The following TMEM135 variants were observed in gnomAD, a reference collection of about 807,000 sequenced individuals.
TMEM135 encodes the protein peroxisomal membrane protein 52.
Under a neutral mutation model 60.3 loss-of-function variants are expected in TMEM135, and 30 were observed. The observed-to-expected ratio is 0.50, with a 90% CI of 0.37 to 0.68. TMEM135 has a LOEUF of 0.68. Among genes scored for constraint, TMEM135 ranks in the 30% least tolerant of loss-of-function variants. TMEM135 has a pLI of 0.00. For synonymous variants in TMEM135, 190 were observed against 186.7 expected, an observed-to-expected ratio of 1.02 and a Z score of -0.14; for missense variants, 468 against 548.8, an observed-to-expected ratio of 0.85 and a Z score of 1.47.
At chr11:87,121,262 T>C (rs1050100854) in intron 4 of TMEM135, 3 of 152,224 alleles carry the variant, frequency 2.0e-5, no homozygotes, top group Non-Finnish European at 4.4e-5. Flanking sequence ...ATTTATTCTT[T>C]ATTCAACTAA....
chr11:87,045,483 T>C (rs942356528), intron 1 of TMEM135, among the ~76,000 whole-genome samples: 2 of 151,414 alleles, frequency 1.3e-5, no homozygotes, highest in Admixed American at 1.3e-4. Flanking sequence ...AGCAGCTAAC[T>C]CTGAGTAGAG....
intron 5 of TMEM135, among the ~76,000 whole-genome samples, chr11:87,195,635 C>T (rs1939937447): frequency 6.6e-6 from 1 of 152,102 alleles, no homozygotes; most frequent in Non-Finnish European, 1.5e-5. Context: ...TTCTCGAACT[C>T]CCAACCTCAG....
chr11:87,293,201 G>A (rs541337896), intron 6 of TMEM135, among the ~76,000 whole-genome samples: 4 of 152,152 alleles, frequency 2.6e-5, no homozygotes, highest in South Asian at 2.1e-4. Flanking sequence ...ACATTTTGAT[G>A]CTATAATTTT....
In TMEM135 at chr11:87,309,543, G is replaced by A. The variant is rs1942607076; in HGVS notation, c.807G>A (p.Gln269=). The A allele has an allele frequency of 6.2e-7, 1 of 1,613,736 alleles. No homozygotes were observed. Among genetic ancestry groups the A allele is most frequent in the Non-Finnish European group, 8.5e-7 (1 of 1,179,806 alleles). Residue 269 remains glutamine (Q), a synonymous_variant, in exon 10 of 15, where the codon CAG becomes CAA. Transcript: ENST00000305494. The part of the protein sequence containing the change: ...IRMFSVGYLI[Q]CCLRIPSAFR... The stretch of plus-strand genomic sequence containing the variant: ...TGTTTAGCGTGGGGTACTTGATCCA[G>A]TGCTGCCTCCGAATCCCTTCTGCAT...
At chr11:87,077,999 G>A (rs1466411481) in intron 3 of TMEM135, among the ~76,000 whole-genome samples, 1 of 152,114 alleles carries the variant, frequency 6.6e-6, no homozygotes. Flanking sequence ...ATGGAAATTT[G>A]GATTGTCCCA....
rs11234957 is a variant in TMEM135 at position 87,076,705 on chromosome 11, G to A, written c.362+5090G>A. On this transcript the variant is annotated intron_variant, in intron 3 of 14. Coordinates refer to ENST00000305494, the MANE Select transcript of TMEM135 (RefSeq NM_022918.4). Reference sequence around the variant, plus strand: ...GGCTACGGCATACTCCTTGGGTATCGCTCCTAATTATTCAGGGTCTAAGGG... The same window carrying A: ...GGCTACGGCATACTCCTTGGGTATCACTCCTAATTATTCAGGGTCTAAGGG... Among the ~76,000 whole-genome samples, 174 of 152,280 alleles carry A rather than the reference G, an allele frequency of 1.1e-3. 5 individuals carry two copies. In the East Asian group the frequency reaches 0.029, roughly 26 times the overall value.
intron 1 of TMEM135, among the ~76,000 whole-genome samples, chr11:87,045,272 C>CGCCCGCCTCGGCCTCCCA (rs764946178): frequency 2.0e-5 from 3 of 152,012 alleles, no homozygotes; most frequent in Non-Finnish European, 4.4e-5. Context: ...CCTTGTGATC[C>CGCCCGCCTCGGCCTCCCA]GCCCGCCTCG....
At chr11:87,214,972 A>G (rs912430316) in intron 5 of TMEM135, among the ~76,000 whole-genome samples, 6 of 152,158 alleles carry the variant, frequency 3.9e-5, no homozygotes, top group Admixed American at 3.9e-4. Context: ...TATTGATTGT[A>G]TTGAATGTTT....
intron 6 of TMEM135, among the ~76,000 whole-genome samples, chr11:87,261,211 C>T (rs892412691): frequency 2.0e-5 from 3 of 152,140 alleles, no homozygotes; most frequent in Non-Finnish European, 4.4e-5. Flanking sequence ...CAAAGATTAT[C>T]AGGTCTCTTT....
chr11:87,259,241 T>C (rs1230502800), intron 6 of TMEM135: 3 of 443,794 alleles, frequency 6.8e-6, no homozygotes, highest in Non-Finnish European at 1.3e-5. Flanking sequence ...GGGATAGGGG[T>C]TCCCCTGCGA....
intron 4 of TMEM135, among the ~76,000 whole-genome samples, chr11:87,093,958 T>C (rs1310824759): frequency 6.6e-6 from 1 of 152,210 alleles, no homozygotes; most frequent in Non-Finnish European, 1.5e-5. Flanking sequence ...AATTAAATGT[T>C]ACGTAAATAT....
chr11:87,083,643 T>G (rs1355781892), intron 3 of TMEM135, among the ~76,000 whole-genome samples: 1 of 152,212 alleles, frequency 6.6e-6, no homozygotes, highest in African/African-American at 2.4e-5. Flanking sequence ...TCTTCAAGTT[T>G]CATTGGCATG....
intron 5 of TMEM135, among the ~76,000 whole-genome samples, chr11:87,230,383 C>G (rs964807136): frequency 1.1e-4 from 17 of 151,916 alleles, no homozygotes; most frequent in African/African-American, 4.1e-4. Flanking sequence ...TATATTGCCC[C>G]ATGGCTGTGA....
intron 5 of TMEM135, among the ~76,000 whole-genome samples, chr11:87,207,547 C>T (rs1249295647): frequency 1.3e-5 from 2 of 152,132 alleles, no homozygotes; most frequent in Non-Finnish European, 2.9e-5. Flanking sequence ...TAATAATCAT[C>T]ACCATTTATT....
chr11:87,090,535 T>G (rs1857184350), intron 3 of TMEM135, among the ~76,000 whole-genome samples: 1 of 152,114 alleles, frequency 6.6e-6, no homozygotes, highest in African/African-American at 2.4e-5. Flanking sequence ...TTTATTTTCT[T>G]TGAGTACTGA....
intron 6 of TMEM135, among the ~76,000 whole-genome samples, chr11:87,265,381 C>A (rs986643194): frequency 1.6e-4 from 24 of 152,112 alleles, no homozygotes; most frequent in African/African-American, 5.5e-4. Flanking sequence ...ATACTGGACT[C>A]TTTTCATTCT....
chr11:87,186,055 T>TGCC lies in TMEM135; in HGVS notation c.462+28650_462+28652dup, dbSNP rs545738834. Among the ~76,000 whole-genome samples the TGCC allele has an allele frequency of 1.3e-4, 20 of 152,254 alleles. No homozygotes were observed. In the South Asian group the frequency reaches 4.1e-3, roughly 32 times the overall value. ...CCGAGTAGCTGGGACTACAGGCATGTGCCACTACATTCAGCTATTTTTTGT... is the reference window on the plus strand; with the variant it reads ...CCGAGTAGCTGGGACTACAGGCATGTGCCGCCACTACATTCAGCTATTTTTTGT... On this transcript the variant is annotated intron_variant, in intron 5 of 14. Coordinates refer to ENST00000305494, the MANE Select transcript of TMEM135 (RefSeq NM_022918.4).
chr11:87,184,565 A>G (rs1392077124), intron 5 of TMEM135, among the ~76,000 whole-genome samples: 1 of 152,206 alleles, frequency 6.6e-6, no homozygotes, highest in Non-Finnish European at 1.5e-5. Context: ...AATATGTTTG[A>G]GAAACTATAG....
chr11:87,307,021 G>A (rs1008341476), intron 9 of TMEM135, among the ~76,000 whole-genome samples: 1 of 151,970 alleles, frequency 6.6e-6, no homozygotes, highest in African/African-American at 2.4e-5. Context: ...GCCCGGCCAA[G>A]TTCCTTTATT....
Sources: gnomAD v4.1 joint callset for allele counts (sites outside exome capture counted in the v4.1 genomes callset) on GRCh38, gnomAD v4.1.1 for gene constraint, MANE v1.5 for transcripts, NCBI Gene and HGNC (gene_info 2026-07-23, HGNC 2026-07-21) for gene names.